GRIN2A: variants seen among roughly 807,000 people sequenced by gnomAD.
GRIN2A encodes glutamate receptor ionotropic, NMDA 2A.
GRIN2A carries 22 observed loss-of-function variants against 113.4 expected under a neutral mutation model. The observed-to-expected ratio is 0.19, with a 90% CI of 0.14 to 0.28. The LOEUF (loss-of-function observed/expected upper bound fraction) is 0.28. Among genes scored for constraint, GRIN2A ranks in the 10% least tolerant of loss-of-function variants. The probability of loss-of-function intolerance (pLI) is 1.00; values close to 1 mark genes in which losing one functional copy is unlikely to be tolerated. For missense variants in GRIN2A, 1,502 were observed against 1,887.0 expected (o/e 0.80, Z 3.78); for synonymous variants, 827 against 738.4 (o/e 1.12, Z -1.94).
chr16:9,849,698 G>A, intron 5 of GRIN2A, 58 bp downstream of exon 5: 1 of 1,217,306 alleles, frequency 8.2e-7, no homozygotes, highest in Non-Finnish European at 1.2e-6. Flanking sequence ...TACTATCGAT[G>A]ATCCATGCTA....
At position 9,756,230 on chromosome 16, in the gene GRIN2A, A is replaced by C; in HGVS notation, c.*6919T>G. 1 of 227,744 alleles carries C rather than the reference A, an allele frequency of 4.4e-6. No individual in the cohort carries two copies. The highest frequency in any genetic ancestry group is 8.7e-6 in the Non-Finnish European group (1 of 114,496). The allele number at this position is 227,744 out of a possible 1,614,324, so 14.1% of individuals were successfully genotyped here. A position where few individuals can be genotyped will look rare whatever the true frequency, so the allele number is the denominator to read the frequency against. On this transcript the variant is annotated 3_prime_UTR_variant, in exon 13 of 13. Transcript: ENST00000330684. ...ACTGATAAAAAGATGAGACATTAGG[A>C]AAGAGATATTTAAGATTAGGCACAT...
At chr16:9,841,228 C>A in intron 5 of GRIN2A, 124 bp from the exon 6 acceptor site, 1 of 797,638 alleles carries the variant, frequency 1.3e-6, no homozygotes, top group Non-Finnish European at 2.2e-6. Context: ...AAGTGGCTTT[C>A]CCAAGGACAC....
intron 7 of GRIN2A, among the ~76,000 whole-genome samples, chr16:9,834,473 C>T (rs1596476959): frequency 6.6e-6 from 1 of 152,188 alleles, no homozygotes; most frequent in Non-Finnish European, 1.5e-5. Context: ...CCTCCGCCCC[C>T]CAGGTTCAAG....
intron 2 of GRIN2A, among the ~76,000 whole-genome samples, chr16:10,030,212 A>G (rs1289554450): frequency 6.6e-6 from 1 of 151,906 alleles, no homozygotes; most frequent in African/African-American, 2.4e-5. Context: ...TAAATGTTAT[A>G]CAACTCTCAT....
chr16:9,959,006 A>G (rs2141696668), intron 2 of GRIN2A, among the ~76,000 whole-genome samples: 1 of 152,264 alleles, frequency 6.6e-6, no homozygotes, highest in African/African-American at 2.4e-5. Flanking sequence ...GAATCAGACA[A>G]ATGTTCAGCT....
At chr16:10,001,772 G>A (rs778159835) in intron 2 of GRIN2A, among the ~76,000 whole-genome samples, 1 of 152,196 alleles carries the variant, frequency 6.6e-6, no homozygotes, top group Non-Finnish European at 1.5e-5. Context: ...AATTCATGGG[G>A]TAGGCACGGA....
intron 2 of GRIN2A, among the ~76,000 whole-genome samples, chr16:10,063,561 G>C (rs1004855250): frequency 7.9e-5 from 12 of 152,096 alleles, no homozygotes; most frequent in Non-Finnish European, 1.3e-4. Context: ...TTAAGCCATT[G>C]ATAATCTGGA....
chr16:9,778,603 A>C (rs1901750542), intron 11 of GRIN2A, among the ~76,000 whole-genome samples: 1 of 152,254 alleles, frequency 6.6e-6, no homozygotes, highest in Non-Finnish European at 1.5e-5. Flanking sequence ...CTGGGTTTCC[A>C]GTACTACAGC....
At chr16:9,813,409 G>A (rs1362697977) in intron 10 of GRIN2A, among the ~76,000 whole-genome samples, 2 of 152,054 alleles carry the variant, frequency 1.3e-5, no homozygotes, top group African/African-American at 2.4e-5. Flanking sequence ...AAGTAATACT[G>A]TGTTGCTGAA....
intron 2 of GRIN2A, among the ~76,000 whole-genome samples, chr16:9,988,284 C>CGTGTGTGT (rs4031160): frequency 0.13 from 19,476 of 146,760 alleles, 1,441 homozygotes; most frequent in East Asian, 0.32. Context: ...TGTGTGTGTG[C>CGTGTGTGT]GTGTGTGTGT....
chr16:9,958,464 A>G (rs2141694821), intron 2 of GRIN2A, among the ~76,000 whole-genome samples: 1 of 152,144 alleles, frequency 6.6e-6, no homozygotes, highest in Non-Finnish European at 1.5e-5. Context: ...CCACTTCCAT[A>G]TCTTTAGCAA....
rs147831723 is a variant in GRIN2A at position 9,809,288 on chromosome 16, C to T, written c.2169-10824G>A. Among the ~76,000 whole-genome samples, 246 of 152,058 alleles carry T rather than the reference C, an allele frequency of 1.6e-3. 2 individuals are homozygous for T. Among genetic ancestry groups the T allele is most frequent in the African/African-American group, 5.5e-3 (229 of 41,484 alleles). On this transcript the variant is annotated intron_variant, in intron 10 of 12. Coordinates refer to ENST00000330684, the MANE Select transcript of GRIN2A (RefSeq NM_001134407.3). ...TACAAAAATCAGCTGGGCGTCATGG[C>T]GCACCCCTGTAGTAGCCTGTAAACC...
intron 2 of GRIN2A, among the ~76,000 whole-genome samples, chr16:10,126,134 T>G (rs1185786511): frequency 1.3e-5 from 2 of 151,278 alleles, no homozygotes; most frequent in Non-Finnish European, 2.9e-5. Flanking sequence ...CAACAACATT[T>G]TTGTGTGAGT....
At chr16:9,819,100 C>G (rs1345178690) in intron 10 of GRIN2A, among the ~76,000 whole-genome samples, 1 of 152,084 alleles carries the variant, frequency 6.6e-6, no homozygotes, top group African/African-American at 2.4e-5. Flanking sequence ...GAAGGATACA[C>G]AGAGTAAATG....
intron 4 of GRIN2A, among the ~76,000 whole-genome samples, chr16:9,861,403 C>T (rs1324923151): frequency 6.6e-6 from 1 of 152,198 alleles, no homozygotes; most frequent in Non-Finnish European, 1.5e-5. Flanking sequence ...CCATATTTAT[C>T]ATAAGTAGCA....
At chr16:9,826,882 A>C (rs2042397758) in intron 9 of GRIN2A, among the ~76,000 whole-genome samples, 1 of 152,186 alleles carries the variant, frequency 6.6e-6, no homozygotes, top group South Asian at 2.1e-4. Flanking sequence ...ACTATGTAGT[A>C]AGGATTTCCC....
At chr16:9,915,907 T>G (rs576244303) in intron 3 of GRIN2A, among the ~76,000 whole-genome samples, 1 of 152,376 alleles carries the variant, frequency 6.6e-6, no homozygotes, top group African/African-American at 2.4e-5. Flanking sequence ...AGACACACTC[T>G]AGGCACTTGA....
chr16:10,064,686 T>C (rs2047614053), intron 2 of GRIN2A, among the ~76,000 whole-genome samples: 2 of 152,246 alleles, frequency 1.3e-5, no homozygotes, highest in Non-Finnish European at 2.9e-5. Flanking sequence ...TAGACCCTGC[T>C]ACTAACAACC....
chr16:9,838,262 G>A (rs913407683), intron 7 of GRIN2A, among the ~76,000 whole-genome samples: 1 of 152,104 alleles, frequency 6.6e-6, no homozygotes, highest in Non-Finnish European at 1.5e-5. Flanking sequence ...ACTAAAAGTA[G>A]ATCTACCATT....
Sources: gnomAD v4.1 joint callset for allele counts (sites outside exome capture counted in the v4.1 genomes callset) on GRCh38, gnomAD v4.1.1 for gene constraint, MANE v1.5 for transcripts, NCBI Gene and HGNC (gene_info 2026-07-23, HGNC 2026-07-21) for gene names.